SLC1A5: variants seen among roughly 807,000 people sequenced by gnomAD.
SLC1A5 encodes neutral amino acid transporter B(0).
SLC1A5 carries 25 observed loss-of-function variants against 34.9 expected under a neutral mutation model. The ratio of observed to expected loss-of-function variants is 0.72; its 90% CI spans 0.52 to 1.00. SLC1A5 has a LOEUF of 1.00. SLC1A5 is among the 50% of genes least tolerant of loss of function. The pLI, the probability that SLC1A5 is intolerant of heterozygous loss-of-function variation, is 0.00. For missense variants in SLC1A5, 637 were observed against 740.0 expected (o/e 0.86, Z 1.61); for synonymous variants, 351 against 341.2 (o/e 1.03, Z -0.32).
At chr19:46,784,596 A>C in intron 1 of SLC1A5, 37 bp from the exon 2 acceptor site, 2 of 1,614,010 alleles carry the variant, frequency 1.2e-6, no homozygotes, top group Non-Finnish European at 1.7e-6. Context: ...ATTAGATACC[A>C]TAGTGGGAGG....
At chr19:46,778,565 G>T (rs554396623) in intron 5 of SLC1A5, 110 bp downstream of exon 5, 15 of 724,670 alleles carry the variant, frequency 2.1e-5, no homozygotes, top group Middle Eastern at 3.9e-4. Context: ...AGAATCTCCT[G>T]AAGTATGGCC....
rs747760034 is a variant in SLC1A5 at position 46,787,531 on chromosome 19, G to C, written c.435C>G (p.Leu145=). 27 of 1,574,604 alleles carry C rather than the reference G, an allele frequency of 1.7e-5. No homozygotes were observed. In the South Asian group the frequency reaches 3.1e-4, roughly 18 times the overall value. The part of the protein sequence containing the change: ...FLVTTLLASA[L]GVGLALALQP... ...GCAGAGCCAGCGCCAAGCCCACTCC[G>C]AGCGCCGACGCCAGCAGCGTGGTGA... Residue 145 remains leucine (L), a synonymous_variant, in exon 1 of 8, where the codon CTC becomes CTG. Transcript: ENST00000542575. The surrounding 1 kb of genome is among the most constrained non-coding windows in gnomAD (Gnocchi z 5.2).
chr19:46,787,311 C>A lies in SLC1A5; in HGVS notation c.566+89G>T. ...AAGACTCTAGAGGGAAGTCTCTGCT[C>A]CAGGGGCCCCAAAGCCCCGTCCTGT... On this transcript the variant is annotated intron_variant, in intron 1 of 7. Coordinates refer to ENST00000542575, the MANE Select transcript of SLC1A5 (RefSeq NM_005628.3). This position sits in a 1 kb window ranked among gnomAD's most constrained non-coding sequence, Gnocchi z 5.2. 1.3e-6 allele frequency: 2 copies of A among 1,523,870 alleles called. No homozygotes were observed. The highest frequency in any genetic ancestry group is 2.5e-5 in the South Asian group (2 of 81,220). 94.4% of individuals were successfully genotyped at this position (1,523,870 alleles called of 1,614,324 possible).
In SLC1A5 at chr19:46,775,560, C is replaced by G. The variant is rs1167992124; in HGVS notation, c.1576G>C (p.Gly526Arg). The change falls in exon 8 of 8, where the codon GGG becomes CGG. Residue 526 changes from glycine to arginine, a missense_variant. By Grantham distance (125) the Gly-to-Arg change is moderately radical. Coordinates refer to ENST00000542575, the MANE Select transcript of SLC1A5 (RefSeq NM_005628.3). ...EGNPLLKHYRGPAGDATVASE... is the reference protein window; with the variant it reads ...EGNPLLKHYRRPAGDATVASE... Reference sequence around the variant, plus strand: ...GCGACCGTGGCATCCCCTGCGGGCCCCCGATAGTGTTTGAGGAGGGGGTTT... The same window carrying G: ...GCGACCGTGGCATCCCCTGCGGGCCGCCGATAGTGTTTGAGGAGGGGGTTT... 1 of 1,613,984 alleles carries G rather than the reference C, an allele frequency of 6.2e-7. No homozygotes were observed. Among genetic ancestry groups the G allele is most frequent in the Non-Finnish European group, 8.5e-7 (1 of 1,179,988 alleles).
At chr19:46,786,424 C>A (rs972245234) in intron 1 of SLC1A5, among the ~76,000 whole-genome samples, 5 of 152,186 alleles carry the variant, frequency 3.3e-5, no homozygotes, top group African/African-American at 9.6e-5. Context: ...CCTGTACCAC[C>A]CAGGCCCAGG....
chr19:46,786,239 T>C (rs2055185471), intron 1 of SLC1A5, among the ~76,000 whole-genome samples: 1 of 152,156 alleles, frequency 6.6e-6, no homozygotes, highest in Non-Finnish European at 1.5e-5. Context: ...TCTGGCCATG[T>C]GTTTGTCGAG....
Position 46,775,516 on chromosome 19 carries a change from G to A in SLC1A5, c.1620C>T (p.Val540=). The part of the protein sequence containing the change: ...DATVASEKES[V]M Reference sequence around the variant, plus strand: ...GGAAGGTCCCTCCCGGGGTTTACATGACTGATTCCTTCTCAGAGGCGACCG... The same window carrying A: ...GGAAGGTCCCTCCCGGGGTTTACATAACTGATTCCTTCTCAGAGGCGACCG... The change falls in exon 8 of 8, where the codon GTC becomes GTT. Residue 540 remains valine (V), a synonymous_variant. Coordinates refer to ENST00000542575, the MANE Select transcript of SLC1A5 (RefSeq NM_005628.3). The A allele has an allele frequency of 6.2e-7, 1 of 1,608,986 alleles. No homozygotes were observed. The highest frequency in any genetic ancestry group is 8.5e-7 in the Non-Finnish European group (1 of 1,177,334).
At chr19:46,784,178 C>A (rs372709629) in intron 2 of SLC1A5, 34 bp from the exon 3 acceptor site, 23 of 1,542,570 alleles carry the variant, frequency 1.5e-5, no homozygotes, top group Non-Finnish European at 2.0e-5. Context: ...CAGTGTCCAT[C>A]GTTACCAGGG....
At chr19:46,776,838 A>C (rs1053475527) in intron 7 of SLC1A5, 137 bp downstream of exon 7, 5 of 958,036 alleles carry the variant, frequency 5.2e-6, no homozygotes, top group African/African-American at 1.6e-5. Flanking sequence ...GGAATGCTCA[A>C]GGTTCCCCCC....
chr19:46,782,254 T>C (rs994822723), intron 4 of SLC1A5, 129 bp downstream of exon 4: 141 of 695,864 alleles, frequency 2.0e-4, no homozygotes, highest in Non-Finnish European at 3.2e-4. Flanking sequence ...TGGATTTAAA[T>C]GCAGGTCATC....
Position 46,787,848 on chromosome 19 carries a change from C to A in SLC1A5, c.118G>T (p.Gly40Cys), listed in dbSNP as rs1419192542. Residue 40 changes from glycine (G) to cysteine (C), a missense_variant, in exon 1 of 8, where the codon GGT (glycine) becomes TGT (cysteine). Coordinates refer to ENST00000542575, the MANE Select transcript of SLC1A5 (RefSeq NM_005628.3). The surrounding 1 kb of genome is among the most constrained non-coding windows in gnomAD (Gnocchi z 5.2). ...CAGCGGCGCACCTGGTCCCGGGAAC[C>A]GCAGTAGCCGCCTGCTGCCGCGCCT... ...DQGAAAGGYC[G>C]SRDQVRRCLR... 2.6e-6 allele frequency: 4 copies of A among 1,553,680 alleles called. No homozygotes were observed. In the Admixed American group the frequency reaches 5.8e-5, roughly 23 times the overall value.
intron 3 of SLC1A5, among the ~76,000 whole-genome samples, chr19:46,782,874 C>T (rs1360591584): frequency 6.6e-6 from 1 of 151,986 alleles, no homozygotes; most frequent in Admixed American, 6.6e-5. Context: ...AGGAGTGAAC[C>T]AGGTAAAGAA....
intron 3 of SLC1A5, 57 bp from the exon 4 acceptor site, chr19:46,782,606 C>T: frequency 6.3e-7 from 1 of 1,597,444 alleles, no homozygotes; most frequent in Non-Finnish European, 8.5e-7. Context: ...TGCACAGTCA[C>T]TGAGGGCCTG....
chr19:46,778,738 T>C lies in SLC1A5; in HGVS notation c.995A>G (p.Asn332Ser). ...PLIYFLFTRKNPYRFLWGIVT... is the reference protein window; with the variant it reads ...PLIYFLFTRKSPYRFLWGIVT... ...GATGCCCCACAGGAAGCGGTAGGGG[T>C]TTTTGCGGGTGAAGAGGAAGTAGAT... The change falls in exon 5 of 8, where the codon AAC (asparagine) becomes AGC (serine). Residue 332 changes from asparagine to serine, a missense_variant. Coordinates refer to ENST00000542575, the MANE Select transcript of SLC1A5 (RefSeq NM_005628.3). 6.7e-7 allele frequency: 1 copy of C among 1,483,600 alleles called. No individual in the cohort carries two copies. The highest frequency in any genetic ancestry group is 9.1e-7 in the Non-Finnish European group (1 of 1,102,108). The allele number at this position is 1,483,600 out of a possible 1,614,324, so 91.9% of individuals were successfully genotyped here. A position where few individuals can be genotyped will look rare whatever the true frequency, so the allele number is the denominator to read the frequency against.
At position 46,787,700 on chromosome 19, in the gene SLC1A5, A is replaced by T; in HGVS notation, c.266T>A (p.Phe89Tyr). ...LALGPERLSA[F>Y]VFPGELLLRL... ...CAGCAGCAGCTCGCCCGGGAAGACG[A>T]AGGCGCTCAAGCGCTCCGGGCCCAA... Residue 89 changes from phenylalanine (F) to tyrosine (Y), a missense_variant, in exon 1 of 8, where the codon TTC becomes TAC. Coordinates refer to ENST00000542575, the MANE Select transcript of SLC1A5 (RefSeq NM_005628.3). The surrounding 1 kb of genome is among the most constrained non-coding windows in gnomAD (Gnocchi z 5.2). 1 of 1,584,806 alleles carries T rather than the reference A, an allele frequency of 6.3e-7. No individual in the cohort carries two copies. The highest frequency in any genetic ancestry group is 1.1e-5 in the South Asian group (1 of 88,588).
chr19:46,784,946 G>A, intron 1 of SLC1A5: 1 of 1,151,808 alleles, frequency 8.7e-7, no homozygotes, highest in Non-Finnish European at 1.1e-6. Flanking sequence ...CAGCGGCTCT[G>A]AGAGTATGGG....
rs200703355 is a variant in SLC1A5, at chr19:46,787,673, C to T, written c.293G>A (p.Arg98His). ...CGGCAAGATGATCATCCGCAGCAGA[C>T]GCAGCAGCAGCTCGCCCGGGAAGAC... is the stretch of plus-strand genomic sequence containing the variant. ...AFVFPGELLLRLLRMIILPLV... is the reference protein window; with the variant it reads ...AFVFPGELLLHLLRMIILPLV... The change falls in exon 1 of 8, where the codon CGT becomes CAT. Residue 98 changes from arginine to histidine, a missense_variant. By Grantham distance (29) the Arg-to-His change is conservative. Transcript: ENST00000542575. This position sits in a 1 kb window ranked among gnomAD's most constrained non-coding sequence, Gnocchi z 5.2. The T allele has an allele frequency of 9.7e-5, 154 of 1,592,956 alleles. No homozygotes were observed. The highest frequency in any genetic ancestry group is 8.6e-5 in the Admixed American group (5 of 57,886).
rs905418346 is a variant in SLC1A5 at position 46,776,995 on chromosome 19, G to C, written c.1368C>G (p.Ile456Met). The C allele has an allele frequency of 1.9e-6, 3 of 1,613,928 alleles. No homozygotes were observed. Among genetic ancestry groups the C allele is most frequent in the Admixed American group, 1.7e-5 (1 of 59,992 alleles). The change falls in exon 7 of 8, where the codon ATC becomes ATG. Residue 456 changes from isoleucine (I) to methionine (M), a missense_variant. Ile to Met is a conservative substitution (Grantham distance 10). Transcript: ENST00000542575. ...VNLPVDHISLILAVDWLVDRS... is the reference protein window; with the variant it reads ...VNLPVDHISLMLAVDWLVDRS... The stretch of plus-strand genomic sequence containing the variant: ...CTCACACTAGCCAGTCCACAGCCAG[G>C]ATCAAGGAGATATGGTCGACCGGGA...
rs905407428 is a variant in SLC1A5 at position 46,775,684 on chromosome 19, A to G, written c.1452T>C (p.Asn484=). Residue 484 remains asparagine (N), a synonymous_variant, in exon 8 of 8, where the codon AAT becomes AAC. Coordinates refer to ENST00000542575, the MANE Select transcript of SLC1A5 (RefSeq NM_005628.3). Reference sequence around the variant, plus strand: ...TTCTCGACTCCGTACGGTCCACGTAATTTTGGAGGAGTCCTGCCCCCAGAG... The same window carrying G: ...TTCTCGACTCCGTACGGTCCACGTAGTTTTGGAGGAGTCCTGCCCCCAGAG... ...GDALGAGLLQ[N]YVDRTESRST... is the part of the protein sequence containing the mutation. 6 of 1,613,860 alleles carry G rather than the reference A, an allele frequency of 3.7e-6. No individual in the cohort carries two copies. The African/African-American group carries it at 8.0e-5, about 22-fold the overall frequency.
Sources: allele counts gnomAD v4.1 joint callset (sites outside exome capture counted in the v4.1 genomes callset), GRCh38; gene constraint gnomAD v4.1.1; non-coding constraint Gnocchi (gnomAD v3.1); transcripts MANE v1.5; gene names NCBI Gene and HGNC (gene_info 2026-07-23, HGNC 2026-07-21).